The following CHST9 variants were observed in gnomAD, a reference collection of about 807,000 sequenced individuals.
CHST9 encodes the protein carbohydrate sulfotransferase 9, also known as GalNAc-4-sulfotransferase 2.
In CHST9, 41 loss-of-function variants were observed where a neutral mutation model predicts 44.4. The observed-to-expected ratio is 0.92, with a 90% CI of 0.72 to 1.20. The LOEUF is 1.20. CHST9 is among the 50% of genes most tolerant of loss of function. The pLI, the probability that CHST9 is intolerant of heterozygous loss-of-function variation, is 0.00. For missense variants in CHST9, 504 were observed against 516.5 expected (o/e 0.98, Z 0.23); for synonymous variants, 171 against 178.4 (o/e 0.96, Z 0.33).
chr18:27,110,219 GT>G (rs1176423012), intron 2 of CHST9, among the ~76,000 whole-genome samples: 1 of 149,412 alleles, frequency 6.7e-6, no homozygotes, highest in Admixed American at 6.7e-5. Context: ...TAGCCTGGTT[GT>G]TTTCTTACCA....
At chr18:27,182,046 C>T (rs1211494157) in intron 1 of CHST9, among the ~76,000 whole-genome samples, 1 of 152,140 alleles carries the variant, frequency 6.6e-6, no homozygotes, top group Non-Finnish European at 1.5e-5. Flanking sequence ...CTTTTTTAAA[C>T]CAAACATGCA....
At chr18:27,044,248 G>A (rs976459247) in intron 3 of CHST9, among the ~76,000 whole-genome samples, 1 of 152,024 alleles carries the variant, frequency 6.6e-6, no homozygotes, top group Non-Finnish European at 1.5e-5. Context: ...CTGAATGTGA[G>A]TGAATTAAGG....
At chr18:26,955,509 G>T (rs940463462) in intron 4 of CHST9, among the ~76,000 whole-genome samples, 3 of 152,086 alleles carry the variant, frequency 2.0e-5, no homozygotes, top group African/African-American at 7.2e-5. Context: ...ATTACTTTGT[G>T]CAGTGTGTGT....
intron 2 of CHST9, among the ~76,000 whole-genome samples, chr18:27,126,673 T>C (rs9957834): frequency 0.011 from 1,603 of 152,058 alleles, 25 homozygotes; most frequent in African/African-American, 0.034. Context: ...TTTGATAGCC[T>C]GAGTATGGAG....
intron 2 of CHST9, among the ~76,000 whole-genome samples, chr18:27,101,554 G>T (rs1473975043): frequency 6.6e-6 from 1 of 151,984 alleles, no homozygotes; most frequent in Non-Finnish European, 1.5e-5. Context: ...AGCTTGCAGC[G>T]AGCCGAGATT....
intron 4 of CHST9, among the ~76,000 whole-genome samples, chr18:26,969,904 C>T (rs1367042498): frequency 6.6e-6 from 1 of 152,092 alleles, no homozygotes; most frequent in Non-Finnish European, 1.5e-5. Context: ...AAAATCTGTT[C>T]CCCTCTGATC....
intron 5 of CHST9, among the ~76,000 whole-genome samples, chr18:26,941,829 T>C (rs1358304399): frequency 6.6e-6 from 1 of 152,204 alleles, no homozygotes; most frequent in Non-Finnish European, 1.5e-5. Flanking sequence ...TAGTTGTTTG[T>C]TCTCAGAGCT....
intron 5 of CHST9, among the ~76,000 whole-genome samples, chr18:26,918,780 CT>C (rs1467607664): frequency 1.3e-5 from 2 of 151,872 alleles, no homozygotes; most frequent in African/African-American, 2.4e-5. Flanking sequence ...AAGGGCACTG[CT>C]TTTTTTTCTA....
chr18:26,935,182 A>G (rs748227303), intron 5 of CHST9: 12 of 148,576 alleles, frequency 8.1e-5, no homozygotes, highest in Non-Finnish European at 1.6e-4. Flanking sequence ...CAATGCATTA[A>G]TCATCACTGA....
intron 1 of CHST9, among the ~76,000 whole-genome samples, chr18:27,165,852 C>G (rs1033639275): frequency 3.3e-5 from 5 of 152,110 alleles, no homozygotes; most frequent in African/African-American, 7.2e-5. Context: ...CATCATTAAC[C>G]CACATCTAAG....
intron 5 of CHST9, among the ~76,000 whole-genome samples, chr18:26,918,831 T>G (rs1326777951): frequency 6.6e-6 from 1 of 152,070 alleles, no homozygotes; most frequent in Non-Finnish European, 1.5e-5. Flanking sequence ...GAATACCATA[T>G]GCCAACGTGT....
At chr18:27,160,359 T>G (rs2058735802) in intron 1 of CHST9, among the ~76,000 whole-genome samples, 2 of 152,208 alleles carry the variant, frequency 1.3e-5, no homozygotes, top group African/African-American at 4.8e-5. Context: ...CTGCATCTGT[T>G]GAGATAATTA....
At chr18:27,149,122 AAATTT>A (rs2058639232) in intron 1 of CHST9, among the ~76,000 whole-genome samples, 1 of 127,472 alleles carries the variant, frequency 7.8e-6, no homozygotes, top group African/African-American at 2.8e-5. Context: ...TTTTTCTTGT[AAATTT>A]GTTTGAGTTC....
chr18:26,973,598 T>A (rs6508462), intron 4 of CHST9, among the ~76,000 whole-genome samples: 40,146 of 152,174 alleles, frequency 0.26, 5,865 homozygotes, highest in African/African-American at 0.39. Context: ...TTGCAATTTT[T>A]AAAAGCGTAT....
At chr18:26,991,588 G>A (rs930374100) in intron 4 of CHST9, among the ~76,000 whole-genome samples, 3 of 152,160 alleles carry the variant, frequency 2.0e-5, no homozygotes, top group Admixed American at 2.0e-4. Flanking sequence ...AAGAAGGGAA[G>A]AGGACAAAAC....
rs35106517 is a variant in CHST9 at position 26,918,504 on chromosome 18, C to CATAT, written c.241-1158_241-1155dup. Among the ~76,000 whole-genome samples the CATAT allele has an allele frequency of 8.7e-3, 1,307 of 149,512 alleles. 23 individuals carry two copies. Among genetic ancestry groups the CATAT allele is most frequent in the African/African-American group, 0.028 (1,140 of 40,796 alleles). ...TATATATACATGATACACATGATTG[C>CATAT]ATATATATATATATAGTACATATAT... On this transcript the variant is annotated intron_variant, in intron 5 of 5. Coordinates refer to ENST00000618847, the MANE Select transcript of CHST9 (RefSeq NM_031422.6).
chr18:27,087,983 C>T (rs2058029384), intron 2 of CHST9, among the ~76,000 whole-genome samples: 1 of 152,188 alleles, frequency 6.6e-6, no homozygotes, highest in Non-Finnish European at 1.5e-5. Context: ...CACTTGATGA[C>T]TTGTCAAAAA....
chr18:27,125,096 C>T (rs1002704327), intron 2 of CHST9, among the ~76,000 whole-genome samples: 1 of 152,094 alleles, frequency 6.6e-6, no homozygotes, highest in Non-Finnish European at 1.5e-5. Flanking sequence ...CTTTGTGCTA[C>T]TAAATATGTC....
At chr18:26,986,347 A>G (rs2056754915) in intron 4 of CHST9, among the ~76,000 whole-genome samples, 1 of 152,130 alleles carries the variant, frequency 6.6e-6, no homozygotes, top group African/African-American at 2.4e-5. Context: ...CAGATTAGAC[A>G]AAGATTAGTG....
Sources: allele counts gnomAD v4.1 joint callset (sites outside exome capture counted in the v4.1 genomes callset), GRCh38; gene constraint gnomAD v4.1.1; transcripts MANE v1.5; gene names NCBI Gene and HGNC (gene_info 2026-07-23, HGNC 2026-07-21).